The following TRPS1 variants were observed in gnomAD, a reference collection of about 807,000 sequenced individuals.
TRPS1 encodes transcriptional repressor GATA binding 1, also known as zinc finger transcription factor Trps1.
Under a neutral mutation model 101.2 loss-of-function variants are expected in TRPS1, and 6 were observed. That is an observed-to-expected ratio of 0.06 (90% confidence interval 0.03 to 0.12). TRPS1 has a LOEUF of 0.12. Ranked by LOEUF, TRPS1 falls within the 10% of genes least tolerant of loss-of-function variation. The probability of loss-of-function intolerance (pLI) is 1.00; values close to 1 mark genes in which losing one functional copy is unlikely to be tolerated. For missense variants in TRPS1, 1,363 were observed against 1,567.0 expected (o/e 0.87, Z 2.20); for synonymous variants, 578 against 589.8 (o/e 0.98, Z 0.29).
At chr8:115,457,256 C>T (rs531792270) in intron 5 of TRPS1, among the ~76,000 whole-genome samples, 9 of 152,184 alleles carry the variant, frequency 5.9e-5, no homozygotes, top group Admixed American at 5.2e-4. Flanking sequence ...TATATACATA[C>T]AATAGAATAT....
intron 5 of TRPS1, among the ~76,000 whole-genome samples, chr8:115,498,401 CTCTCTCTCTCTCTCTATATATA>C (rs1188432544): frequency 2.7e-4 from 23 of 85,438 alleles, no homozygotes; most frequent in African/African-American, 1.1e-3. Context: ...CTCTCTCTCT[CTCTCTCTCTCTCTCTATATATA>C]TATATATATA....
At chr8:115,472,154 G>T (rs180935706) in intron 5 of TRPS1, among the ~76,000 whole-genome samples, 1 of 152,348 alleles carries the variant, frequency 6.6e-6, no homozygotes, top group East Asian at 1.9e-4. Context: ...CCTAGCAGAG[G>T]TTCTCAATGA....
intron 5 of TRPS1, among the ~76,000 whole-genome samples, chr8:115,465,296 C>G (rs1341507826): frequency 1.3e-5 from 2 of 152,048 alleles, no homozygotes; most frequent in Non-Finnish European, 1.5e-5. Flanking sequence ...TTTTAGAAAT[C>G]AATTCCACAT....
At chr8:115,517,680 T>C (rs1474182102) in intron 5 of TRPS1, among the ~76,000 whole-genome samples, 1 of 151,738 alleles carries the variant, frequency 6.6e-6, no homozygotes, top group Non-Finnish European at 1.5e-5. Flanking sequence ...CTTTAAAGCA[T>C]AGTTGGCATC....
At chr8:115,559,621 T>C (rs1052330691) in intron 5 of TRPS1, among the ~76,000 whole-genome samples, 34 of 152,154 alleles carry the variant, frequency 2.2e-4, no homozygotes, top group Admixed American at 1.8e-3. Context: ...GTTTATTGAA[T>C]GTGTGAATGA....
At chr8:115,502,399 T>G (rs1450633448) in intron 5 of TRPS1, among the ~76,000 whole-genome samples, 1 of 152,166 alleles carries the variant, frequency 6.6e-6, no homozygotes, top group African/African-American at 2.4e-5. Flanking sequence ...CAATTATCAA[T>G]TCCCTCCCCT....
intron 5 of TRPS1, among the ~76,000 whole-genome samples, chr8:115,542,920 G>C (rs1179721138): frequency 1.3e-5 from 2 of 152,142 alleles, no homozygotes; most frequent in African/African-American, 4.8e-5. Flanking sequence ...ACAAGCTTAA[G>C]CTTTCTCCTT....
rs1314287039 is a variant in TRPS1, at chr8:115,587,555, C to T, written c.2146G>A (p.Asp716Asn). The T allele has an allele frequency of 6.2e-7, 1 of 1,614,142 alleles. No homozygotes were observed. The highest frequency in any genetic ancestry group is 8.5e-7 in the Non-Finnish European group (1 of 1,180,016). ...KCRQCSFTAA[D>N]TQSLLEHFNT... ...AAGTGCTCCAGTAGTGACTGAGTATCGGCAGCTGTAAAACTGCACTGACGG... is the reference window on the plus strand; with the variant it reads ...AAGTGCTCCAGTAGTGACTGAGTATTGGCAGCTGTAAAACTGCACTGACGG... Residue 716 changes from aspartate to asparagine, a missense_variant, in exon 5 of 7, where the codon GAT becomes AAT. Transcript: ENST00000395715.
rs115863752 is a variant in TRPS1, at chr8:115,468,872, G to A, written c.2701-50420C>T. Among the ~76,000 whole-genome samples the A allele has an allele frequency of 1.1e-3, 167 of 152,320 alleles. 1 individual carries two copies. Among genetic ancestry groups the A allele is most frequent in the African/African-American group, 3.9e-3 (162 of 41,580 alleles). ...TCAGAATTTAAGGCCAGGCATGGTG[G>A]CTCACTCCTGTAATCCCCACACTTT... On this transcript the variant is annotated intron_variant, in intron 5 of 6. Transcript: ENST00000395715.
At chr8:115,472,107 G>T (rs185003409) in intron 5 of TRPS1, among the ~76,000 whole-genome samples, 5 of 152,244 alleles carry the variant, frequency 3.3e-5, no homozygotes, top group South Asian at 2.1e-4. Context: ...AACTCTTTGT[G>T]GGGGGGCTCC....
chr8:115,464,753 C>G (rs1184767938), intron 5 of TRPS1, among the ~76,000 whole-genome samples: 4 of 152,126 alleles, frequency 2.6e-5, no homozygotes. Flanking sequence ...TCGACTCTCT[C>G]TGGAACATCT....
intron 5 of TRPS1, among the ~76,000 whole-genome samples, chr8:115,539,858 C>T (rs533501207): frequency 8.9e-4 from 135 of 152,200 alleles, no homozygotes; most frequent in African/African-American, 3.1e-3. Context: ...ATGCAGCCTC[C>T]GACTCAGGAA....
At chr8:115,451,071 T>C (rs192371935) in intron 5 of TRPS1, among the ~76,000 whole-genome samples, 26 of 152,344 alleles carry the variant, frequency 1.7e-4, no homozygotes, top group African/African-American at 6.0e-4. Context: ...TTCACATCTT[T>C]ACTTTTAATG....
chr8:115,665,401 G>A (rs558111845), intron 1 of TRPS1, among the ~76,000 whole-genome samples: 11 of 152,172 alleles, frequency 7.2e-5, no homozygotes, highest in South Asian at 6.2e-4. Context: ...TAATAGAACC[G>A]TCACTGAAAT....
chr8:115,663,565 G>T (rs957213270), intron 1 of TRPS1, among the ~76,000 whole-genome samples: 1 of 151,832 alleles, frequency 6.6e-6, no homozygotes, highest in Non-Finnish European at 1.5e-5. Context: ...AACGACAAGT[G>T]TATCCTTAAT....
chr8:115,573,569 A>T (rs1817253048), intron 5 of TRPS1, among the ~76,000 whole-genome samples: 1 of 152,170 alleles, frequency 6.6e-6, no homozygotes. Flanking sequence ...CCTACTAATG[A>T]GTCTTCGTCA....
At chr8:115,498,415 C>CTCTCTCTCTATATATATA (rs1486361297) in intron 5 of TRPS1, among the ~76,000 whole-genome samples, 1 of 39,314 alleles carries the variant, frequency 2.5e-5, no homozygotes, top group African/African-American at 1.1e-4. Context: ...CTCTCTCTCT[C>CTCTCTCTCTATATATATA]TATATATATA....
intron 1 of TRPS1, among the ~76,000 whole-genome samples, chr8:115,648,757 AAT>A: frequency 6.6e-6 from 1 of 152,280 alleles, no homozygotes; most frequent in Admixed American, 6.5e-5. Flanking sequence ...TCTTTCATAA[AAT>A]ATAAATTACT....
chr8:115,605,510 CT>C (rs1818015849), intron 3 of TRPS1, among the ~76,000 whole-genome samples: 1 of 152,050 alleles, frequency 6.6e-6, no homozygotes, highest in African/African-American at 2.4e-5. Context: ...GATGAGGTCT[CT>C]GTTTTAGGTA....
Sources: gnomAD v4.1 joint callset for allele counts (sites outside exome capture counted in the v4.1 genomes callset) on GRCh38, gnomAD v4.1.1 for gene constraint, MANE v1.5 for transcripts, NCBI Gene and HGNC (gene_info 2026-07-23, HGNC 2026-07-21) for gene names.